The following AKAP13 variants were observed in gnomAD, a reference collection of about 807,000 sequenced individuals.
AKAP13 encodes the protein A-kinase anchor protein 13.
A neutral mutation model predicts 264.5 loss-of-function variants in AKAP13; 80 were observed. The observed-to-expected ratio is 0.30, with a 90% confidence interval of 0.25 to 0.36. The LOEUF (loss-of-function observed/expected upper bound fraction) is 0.36, where lower values mean the gene tolerates loss of function less well. Among genes scored for constraint, AKAP13 ranks in the 10% least tolerant of loss-of-function variants. AKAP13 has a pLI of 1.00. For synonymous variants in AKAP13, 1,380 were observed against 1,250.2 expected, an observed-to-expected ratio of 1.10 and a Z score of -2.19; for missense variants, 3,712 against 3,435.2, an observed-to-expected ratio of 1.08 and a Z score of -2.01.
At chr15:85,556,469 T>C (rs1049097870) in intron 5 of AKAP13, among the ~76,000 whole-genome samples, 5 of 152,204 alleles carry the variant, frequency 3.3e-5, no homozygotes, top group African/African-American at 1.2e-4. Flanking sequence ...GAAACATGGC[T>C]AAGTGGCACA....
At chr15:85,406,724 T>A (rs2150856888) in intron 1 of AKAP13, among the ~76,000 whole-genome samples, 1 of 151,884 alleles carries the variant, frequency 6.6e-6, no homozygotes, top group Non-Finnish European at 1.5e-5. Flanking sequence ...TAATAAGTTG[T>A]TTGCAGTGTT....
chr15:85,674,281 G>A (rs149078455), intron 14 of AKAP13, among the ~76,000 whole-genome samples: 29 of 152,208 alleles, frequency 1.9e-4, no homozygotes, highest in African/African-American at 7.0e-4. Context: ...GCCACAAGTG[G>A]AAAATTCCAC....
intron 5 of AKAP13, among the ~76,000 whole-genome samples, chr15:85,573,636 A>G (rs959729888): frequency 6.6e-6 from 1 of 152,166 alleles, no homozygotes; most frequent in Non-Finnish European, 1.5e-5. Context: ...ATAACATTTC[A>G]TATAAGGAGG....
At chr15:85,673,339 G>T (rs1185927593) in intron 14 of AKAP13, among the ~76,000 whole-genome samples, 1 of 152,170 alleles carries the variant, frequency 6.6e-6, no homozygotes, top group Non-Finnish European at 1.5e-5. Flanking sequence ...GGGAAAAGCT[G>T]CAGTGTCTCC....
At chr15:85,552,961 G>C (rs1195371648) in intron 5 of AKAP13, among the ~76,000 whole-genome samples, 1 of 151,968 alleles carries the variant, frequency 6.6e-6, no homozygotes. Flanking sequence ...ACCCTAGAAA[G>C]ACACATGGCC....
chr15:85,416,466 A>T (rs1044547487), intron 1 of AKAP13, among the ~76,000 whole-genome samples: 1 of 152,214 alleles, frequency 6.6e-6, no homozygotes, highest in Admixed American at 6.5e-5. Flanking sequence ...ATGTAAAGTC[A>T]TATTTTATAC....
At chr15:85,641,039 A>G (rs148884835) in intron 9 of AKAP13, among the ~76,000 whole-genome samples, 229 of 152,250 alleles carry the variant, frequency 1.5e-3, no homozygotes, top group African/African-American at 5.3e-3. Flanking sequence ...CAGACCTGAG[A>G]TTTTGATTTT....
rs768180917 is a variant in AKAP13 at position 85,581,553 on chromosome 15, T to C, written c.3485T>C (p.Leu1162Pro). The C allele has an allele frequency of 6.2e-7, 1 of 1,614,084 alleles. No individual in the cohort carries two copies. The highest frequency in any genetic ancestry group is 1.1e-5 in the South Asian group (1 of 91,072). ...MIPLDWEKGK[L>P]EGADHSCTMG... ...CCTCTTGATTGGGAGAAAGGGAAGC[T>C]GGAGGGAGCAGACCACAGCTGTACC... Residue 1162 changes from leucine (L) to proline (P), a missense_variant, in exon 7 of 37, where the codon CTG (leucine) becomes CCG (proline). Leu to Pro is a moderately conservative substitution (Grantham distance 98). Transcript: ENST00000394518.
rs1035545289 is a variant in AKAP13, at chr15:85,727,403, A to G, written c.7027A>G (p.Ile2343Val). Residue 2343 changes from isoleucine (I) to valine (V), a missense_variant, in exon 29 of 37, where the codon ATT (isoleucine) becomes GTT (valine). By Grantham distance (29) the Ile-to-Val change is conservative. Transcript: ENST00000394518. The surrounding 1 kb of genome is among the most constrained non-coding windows in gnomAD (Gnocchi z 5.3). ...TAGGAACAGAGATGAAGATGAAGGAATTCCTAGTGAGAATGAGGAAGAAAA... is the reference window on the plus strand; with the variant it reads ...TAGGAACAGAGATGAAGATGAAGGAGTTCCTAGTGAGAATGAGGAAGAAAA... ...NTLNRDEDEG[I>V]PSENEEEKKM... The G allele has an allele frequency of 6.2e-7, 1 of 1,614,114 alleles. No individual in the cohort carries two copies. Among genetic ancestry groups the G allele is most frequent in the African/African-American group, 1.3e-5 (1 of 74,942 alleles).
At chr15:85,472,495 C>G (rs1345800331) in intron 1 of AKAP13, among the ~76,000 whole-genome samples, 1 of 152,200 alleles carries the variant, frequency 6.6e-6, no homozygotes, top group Non-Finnish European at 1.5e-5. Context: ...CTTTTCTGAA[C>G]TCTTTTTGAC....
chr15:85,487,000 G>A (rs1446826880), intron 2 of AKAP13, among the ~76,000 whole-genome samples: 4 of 152,080 alleles, frequency 2.6e-5, no homozygotes, highest in Non-Finnish European at 5.9e-5. Context: ...CCAAAGTGCT[G>A]GGATTACAGG....
chr15:85,526,697 C>T (rs531771206), intron 3 of AKAP13, among the ~76,000 whole-genome samples: 5 of 152,300 alleles, frequency 3.3e-5, no homozygotes, highest in African/African-American at 1.2e-4. Context: ...AGAATTCTGA[C>T]ACCCCCCATC....
intron 13 of AKAP13, among the ~76,000 whole-genome samples, chr15:85,668,665 G>A (rs772741196): frequency 7.9e-5 from 12 of 152,200 alleles, no homozygotes; most frequent in Admixed American, 1.3e-4. Flanking sequence ...TCAGAGGCCA[G>A]GCCTGGTGGT....
At chr15:85,449,600 A>G (rs549126782) in intron 1 of AKAP13, among the ~76,000 whole-genome samples, 1 of 152,188 alleles carries the variant, frequency 6.6e-6, no homozygotes, top group Non-Finnish European at 1.5e-5. Context: ...TGTTCCTTCA[A>G]TACCTAGTTT....
At chr15:85,678,174 G>C (rs1490269780) in intron 14 of AKAP13, among the ~76,000 whole-genome samples, 1 of 152,148 alleles carries the variant, frequency 6.6e-6, no homozygotes, top group African/African-American at 2.4e-5. Context: ...TTCCAGGATT[G>C]CTTTTAATGG....
intron 3 of AKAP13, among the ~76,000 whole-genome samples, chr15:85,524,454 G>A (rs1184326808): frequency 1.3e-5 from 2 of 151,970 alleles, no homozygotes; most frequent in Non-Finnish European, 2.9e-5. Flanking sequence ...GATTACAGAC[G>A]TGAGCCACCG....
intron 16 of AKAP13, among the ~76,000 whole-genome samples, chr15:85,691,132 G>A (rs1293192282): frequency 1.3e-5 from 2 of 152,152 alleles, no homozygotes; most frequent in Non-Finnish European, 2.9e-5. Context: ...AAATGTTAAG[G>A]CATTTAGTAG....
chr15:85,452,805 C>G (rs1224116168), intron 1 of AKAP13, among the ~76,000 whole-genome samples: 3 of 152,122 alleles, frequency 2.0e-5, no homozygotes, highest in Non-Finnish European at 4.4e-5. Context: ...TTTCTCTGCC[C>G]CTTGAGTGCT....
intron 6 of AKAP13, chr15:85,577,868 C>T (rs1227586380): frequency 1.0e-6 from 1 of 976,382 alleles, no homozygotes; most frequent in Admixed American, 6.2e-5. Context: ...GGACACTGAA[C>T]TCAGTAAGTA....
Sources: allele counts gnomAD v4.1 joint callset (sites outside exome capture counted in the v4.1 genomes callset), GRCh38; gene constraint gnomAD v4.1.1; non-coding constraint Gnocchi (gnomAD v3.1); transcripts MANE v1.5; gene names NCBI Gene and HGNC (gene_info 2026-07-23, HGNC 2026-07-21).